Variants in SCHIP1 observed in about 807,000 individuals in gnomAD.
The protein encoded by SCHIP1 is schwannomin interacting protein 1.
A neutral mutation model predicts 29.7 loss-of-function variants in SCHIP1; 8 were observed. That is an observed-to-expected ratio of 0.27 (90% confidence interval 0.16 to 0.49). The LOEUF (loss-of-function observed/expected upper bound fraction) is 0.49. Among genes scored for constraint, SCHIP1 ranks in the 20% least tolerant of loss-of-function variants. SCHIP1 has a pLI of 0.99. For missense variants in SCHIP1, 193 were observed against 294.6 expected, an observed-to-expected ratio of 0.66 and a Z score of 2.52; for synonymous variants, 76 against 94.9, an observed-to-expected ratio of 0.80 and a Z score of 1.16.
At chr3:159,552,962 T>C in the SCHIP1 span, among the ~76,000 whole-genome samples, 1 of 152,144 alleles carries the variant, frequency 6.6e-6, no homozygotes, top group African/African-American at 2.4e-5. Context: ...ATCTTTCTTA[T>C]AACCAAGAGA....
At chr3:159,786,044 A>G in the SCHIP1 span, among the ~76,000 whole-genome samples, 1 of 152,128 alleles carries the variant, frequency 6.6e-6, no homozygotes, top group East Asian at 1.9e-4. Context: ...CTCTATGGGG[A>G]AAATCAAAGA....
At chr3:159,362,951 C>T in the SCHIP1 span, among the ~76,000 whole-genome samples, 1 of 152,212 alleles carries the variant, frequency 6.6e-6, no homozygotes, top group Non-Finnish European at 1.5e-5. Flanking sequence ...TAACTGGGCC[C>T]TTATGAAGAA....
At chr3:159,696,810 A>T in the SCHIP1 span, among the ~76,000 whole-genome samples, 1 of 152,196 alleles carries the variant, frequency 6.6e-6, no homozygotes, top group Admixed American at 6.5e-5. Context: ...AGGAAAAGAG[A>T]TCAGCCCATT....
the SCHIP1 span, among the ~76,000 whole-genome samples, chr3:159,749,873 T>C: frequency 6.6e-6 from 1 of 152,208 alleles, no homozygotes; most frequent in Non-Finnish European, 1.5e-5. Flanking sequence ...TGGAAAGGTC[T>C]TAGAAGATTA....
the SCHIP1 span, among the ~76,000 whole-genome samples, chr3:159,483,495 G>T: frequency 6.6e-6 from 1 of 152,108 alleles, no homozygotes; most frequent in Non-Finnish European, 1.5e-5. Flanking sequence ...GTGCTAAGGA[G>T]CCCCTGATAA....
At chr3:159,290,310 G>T in the SCHIP1 span, among the ~76,000 whole-genome samples, 2 of 152,106 alleles carry the variant, frequency 1.3e-5, no homozygotes, top group Admixed American at 1.3e-4. Context: ...AGCAGGAAGG[G>T]GGTGGTAAAT....
the SCHIP1 span, among the ~76,000 whole-genome samples, chr3:159,702,796 A>G: frequency 6.6e-6 from 1 of 152,224 alleles, no homozygotes; most frequent in Non-Finnish European, 1.5e-5. Context: ...TACCAACTTT[A>G]TTATACAAGG....
chr3:159,411,362 A>AT, the SCHIP1 span, among the ~76,000 whole-genome samples: 1 of 152,110 alleles, frequency 6.6e-6, no homozygotes. Context: ...ATTGTTATGC[A>AT]TTGTATGCCT....
the SCHIP1 span, among the ~76,000 whole-genome samples, chr3:159,714,097 C>T: frequency 2.6e-4 from 39 of 152,044 alleles, no homozygotes; most frequent in Non-Finnish European, 4.9e-4. Context: ...ATTAGCCAAG[C>T]GTGGTGGGAG....
chr3:159,895,796 A>G (rs1211337184), intron 6 of SCHIP1, among the ~76,000 whole-genome samples: 2 of 152,198 alleles, frequency 1.3e-5, no homozygotes, highest in African/African-American at 4.8e-5. Flanking sequence ...CCCGGGTTCA[A>G]GCAATTTTCC....
the SCHIP1 span, among the ~76,000 whole-genome samples, chr3:159,425,613 G>A: frequency 6.6e-6 from 1 of 152,068 alleles, no homozygotes; most frequent in Non-Finnish European, 1.5e-5. Flanking sequence ...ACACCCCACT[G>A]TCAACATTAG....
chr3:159,600,021 C>T, the SCHIP1 span, among the ~76,000 whole-genome samples: 1 of 152,132 alleles, frequency 6.6e-6, no homozygotes. Flanking sequence ...TCCTTCAGTT[C>T]TTTGAATATA....
At chr3:159,616,850 C>A in the SCHIP1 span, among the ~76,000 whole-genome samples, 1 of 152,190 alleles carries the variant, frequency 6.6e-6, no homozygotes, top group Non-Finnish European at 1.5e-5. Flanking sequence ...CCATCTAGAT[C>A]TGCATTGTCC....
At chr3:159,842,144 GACTT>G (rs1347127381) in intron 1 of SCHIP1, among the ~76,000 whole-genome samples, 1 of 152,154 alleles carries the variant, frequency 6.6e-6, no homozygotes, top group Non-Finnish European at 1.5e-5. Context: ...ATTTTACAAG[GACTT>G]ACTTATTTTT....
the SCHIP1 span, among the ~76,000 whole-genome samples, chr3:159,686,191 C>A: frequency 5.9e-5 from 9 of 152,100 alleles, no homozygotes; most frequent in African/African-American, 2.2e-4. Context: ...TAGCTCAGCA[C>A]AAAGCAGGGC....
chr3:159,656,638 G>A, the SCHIP1 span, among the ~76,000 whole-genome samples: 1 of 152,030 alleles, frequency 6.6e-6, no homozygotes, highest in Non-Finnish European at 1.5e-5. Flanking sequence ...GAATTACGTG[G>A]TACCCACCTT....
the SCHIP1 span, among the ~76,000 whole-genome samples, chr3:159,814,809 A>G: frequency 2.0e-5 from 3 of 152,120 alleles, no homozygotes; most frequent in African/African-American, 7.2e-5. Context: ...TGGCTTTGTG[A>G]TTCTAGAAGT....
At chr3:159,497,291 A>C in the SCHIP1 span, among the ~76,000 whole-genome samples, 7 of 152,112 alleles carry the variant, frequency 4.6e-5, no homozygotes, top group Admixed American at 1.3e-4. Context: ...AGGTGAGTGC[A>C]TGCTAACTCC....
chr3:159,341,184 T>C, the SCHIP1 span, among the ~76,000 whole-genome samples: 5 of 152,086 alleles, frequency 3.3e-5, no homozygotes, highest in African/African-American at 1.2e-4. Flanking sequence ...GGGAGACATC[T>C]TTAAGCCTAA....
Sources: allele counts gnomAD v4.1 joint callset (sites outside exome capture counted in the v4.1 genomes callset), GRCh38; gene constraint gnomAD v4.1.1; transcripts MANE v1.5; gene names NCBI Gene and HGNC (gene_info 2026-07-23, HGNC 2026-07-21).